The following DNMT3B variants were observed in gnomAD, a reference collection of about 807,000 sequenced individuals.
The protein encoded by DNMT3B is DNA (cytosine-5)-methyltransferase 3B.
DNMT3B carries 37 observed loss-of-function variants against 120.2 expected under a neutral mutation model. The observed-to-expected ratio is 0.31, with a 90% CI of 0.24 to 0.40. The LOEUF (loss-of-function observed/expected upper bound fraction) is 0.40, where lower values mean the gene tolerates loss of function less well. Ranked by LOEUF, DNMT3B falls within the 10% of genes least tolerant of loss-of-function variation. The probability of loss-of-function intolerance (pLI) is 1.00; values close to 1 mark genes in which losing one functional copy is unlikely to be tolerated. For synonymous variants in DNMT3B, 412 were observed against 442.8 expected (o/e 0.93, Z 0.87); for missense variants, 878 against 1,137.3 (o/e 0.77, Z 3.28).
chr20:32,795,420 C>G lies in DNMT3B; in HGVS notation c.1138C>G (p.Arg380Gly), dbSNP rs376213530. 1.9e-6 allele frequency: 3 copies of G among 1,613,926 alleles called. No individual in the cohort carries two copies. In the Admixed American group the frequency reaches 5.0e-5, roughly 27 times the overall value. ...LESRKYENKT[R>G]RRTADDSATS... ...ATTACCTTTCACAGAGAACAAGACT[C>G]GAAGACGCACAGCTGACGACTCAGC... is the stretch of plus-strand genomic sequence containing the variant. The change falls in exon 11 of 23, where the codon CGA becomes GGA. Residue 380 changes from arginine (R) to glycine (G), a missense_variant. Arg to Gly is a moderately radical substitution (Grantham distance 125). This residue lies in a region of DNMT3B where 207 missense variants were observed against 222.6 expected (regional missense o/e 0.93). Coordinates refer to ENST00000328111, the MANE Select transcript of DNMT3B (RefSeq NM_006892.4).
rs1281127350 is a variant in DNMT3B at position 32,800,014 on chromosome 20, C to T, written c.1760-139C>T. The stretch of plus-strand genomic sequence containing the variant: ...GTTTACACAGCCAATATGTGTGGTG[C>T]GTGTACAGCCTTTGCTGGATTGAAC... On this transcript the variant is annotated intron_variant, in intron 16 of 22. Coordinates refer to ENST00000328111, the MANE Select transcript of DNMT3B (RefSeq NM_006892.4). 1.8e-5 allele frequency: 22 copies of T among 1,253,382 alleles called. No individual in the cohort carries two copies. In the East Asian group the frequency reaches 2.8e-4, roughly 16 times the overall value. The allele number at this position is 1,253,382 out of a possible 1,614,324, so 77.6% of individuals were successfully genotyped here.
rs764071196 is a variant in DNMT3B, at chr20:32,762,575, G to C, written c.-131G>C. 8.6e-6 allele frequency: 3 copies of C among 349,750 alleles called. No homozygotes were observed. Among genetic ancestry groups the C allele is most frequent in the South Asian group, 6.4e-5 (3 of 47,202 alleles). The allele number at this position is 349,750 out of a possible 1,614,324, so 21.7% of individuals were successfully genotyped here. A position where few individuals can be genotyped will look rare whatever the true frequency, so the allele number is the denominator to read the frequency against. ...GGGTTAAGTGGCCCAAGTAAACCTA[G>C]CTCGGCGATCGGCGCCGGAGATTCG... On this transcript the variant is annotated 5_prime_UTR_variant, in exon 1 of 23. Coordinates refer to ENST00000328111, the MANE Select transcript of DNMT3B (RefSeq NM_006892.4).
chr20:32,766,005 C>T (rs1188234033), intron 1 of DNMT3B, among the ~76,000 whole-genome samples: 2 of 152,052 alleles, frequency 1.3e-5, no homozygotes, highest in African/African-American at 4.8e-5. Context: ...GATCCACCCG[C>T]CTTGGCCTCC....
chr20:32,786,655 G>A, intron 5 of DNMT3B, 28 bp downstream of exon 5: 1 of 1,613,286 alleles, frequency 6.2e-7, no homozygotes, highest in Non-Finnish European at 8.5e-7. Context: ...CCAGACCCCT[G>A]CCCGCAGTCT....
intron 6 of DNMT3B, 99 bp from the exon 7 acceptor site, chr20:32,788,755 G>T: frequency 1.3e-6 from 2 of 1,495,500 alleles, no homozygotes; most frequent in South Asian, 2.3e-5. Context: ...TGCATTTTAT[G>T]GCAAGCTTTT....
chr20:32,805,959 C>T (rs952720372), intron 21 of DNMT3B, among the ~76,000 whole-genome samples: 9 of 152,094 alleles, frequency 5.9e-5, no homozygotes, highest in Admixed American at 2.0e-4. Context: ...TTCCTGTTAA[C>T]GTCTTGGCAT....
At chr20:32,786,215 C>T (rs535180382) in intron 4 of DNMT3B, among the ~76,000 whole-genome samples, 1 of 152,368 alleles carries the variant, frequency 6.6e-6, no homozygotes, top group South Asian at 2.1e-4. Context: ...TCCCAATTGG[C>T]AGGTGCCATT....
intron 1 of DNMT3B, among the ~76,000 whole-genome samples, chr20:32,769,714 C>T (rs1267004840): frequency 3.3e-5 from 5 of 152,018 alleles, no homozygotes; most frequent in African/African-American, 1.2e-4. Context: ...CCCTGCAGTA[C>T]TGCTTTTTCC....
Position 32,808,611 on chromosome 20 carries a change from A to G in DNMT3B, c.*708A>G, listed in dbSNP as rs953563076. Reference sequence around the variant, plus strand: ...CCCCACAAACCCAAGGGCAGGGGCCACTCTTAGCTAAATCCCTCCCCGTGA... The same window carrying G: ...CCCCACAAACCCAAGGGCAGGGGCCGCTCTTAGCTAAATCCCTCCCCGTGA... On this transcript the variant is annotated 3_prime_UTR_variant, in exon 23 of 23. Coordinates refer to ENST00000328111, the MANE Select transcript of DNMT3B (RefSeq NM_006892.4). The G allele has an allele frequency of 3.5e-5, 8 of 230,984 alleles. No individual in the cohort carries two copies. Among genetic ancestry groups the G allele is most frequent in the Admixed American group, 1.7e-4 (3 of 17,688 alleles). 14.3% of individuals were successfully genotyped at this position (230,984 alleles called of 1,614,324 possible). A position where few individuals can be genotyped will look rare whatever the true frequency, so the allele number is the denominator to read the frequency against.
chr20:32,788,180 T>C, intron 6 of DNMT3B, among the ~76,000 whole-genome samples: 1 of 152,194 alleles, frequency 6.6e-6, no homozygotes, highest in Admixed American at 6.5e-5. Flanking sequence ...GGGGATGCGA[T>C]GGCTTGGCTT....
In DNMT3B at chr20:32,802,369, T is replaced by G. The variant is rs773963555; in HGVS notation, c.2146-16T>G. 6.2e-7 allele frequency: 1 copy of G among 1,613,968 alleles called. No homozygotes were observed. Among genetic ancestry groups the G allele is most frequent in the South Asian group, 1.1e-5 (1 of 91,084 alleles). ...TAATAATAGGCTCCTAACAGTAACC[T>G]TCTTTCTCCCCACAGTGTAATCCAG... On this transcript the variant is annotated splice_polypyrimidine_tract_variant and intron_variant, in intron 19 of 22. Transcript: ENST00000328111.
Position 32,801,378 on chromosome 20 carries a change from T to C in DNMT3B, c.2097T>C (p.Val699=), listed in dbSNP as rs369838649. 13 of 1,614,052 alleles carry C rather than the reference T, an allele frequency of 8.1e-6. No homozygotes were observed. The African/African-American group carries it at 1.6e-4, about 20-fold the overall frequency. ...DRPFFWMFEN[V]VAMKVGDKRD... ...CGTTCTTCTGGATGTTTGAGAATGT[T>C]GTAGCCATGAAGGTTGGCGACAAGA... The change falls in exon 19 of 23, where the codon GTT becomes GTC. Residue 699 remains valine, a synonymous_variant. Coordinates refer to ENST00000328111, the MANE Select transcript of DNMT3B (RefSeq NM_006892.4).
chr20:32,764,583 C>A (rs1202696332), intron 1 of DNMT3B, among the ~76,000 whole-genome samples: 2 of 152,116 alleles, frequency 1.3e-5, no homozygotes, highest in African/African-American at 4.8e-5. Flanking sequence ...CGCCTTTGTT[C>A]CCTTTCGAAC....
intron 4 of DNMT3B, among the ~76,000 whole-genome samples, chr20:32,786,101 C>G (rs1452173613): frequency 6.6e-6 from 1 of 152,162 alleles, no homozygotes; most frequent in Non-Finnish European, 1.5e-5. Flanking sequence ...CCAGGATGAT[C>G]CTGAATTTCT....
Position 32,800,230 on chromosome 20 carries a change from G to T in DNMT3B, c.1837G>T (p.Val613Phe), listed in dbSNP as rs768347895. The change falls in exon 17 of 23, where the codon GTT (valine) becomes TTT (phenylalanine). Residue 613 changes from valine (V) to phenylalanine (F), a missense_variant. Physicochemically the swap from Val to Phe is conservative, Grantham distance 50. Around this residue, in one of 4 missense-constraint regions of DNMT3B, gnomAD observed 334 missense variants for 518.8 expected, o/e 0.64. Transcript: ENST00000328111. ...TGAAGTGTGTGAGGAGTCCATTGCT[G>T]TTGGAACCGTGAAGCACGAGGGGAA... ...ASEVCEESIAVGTVKHEGNIK... is the reference protein window; with the variant it reads ...ASEVCEESIAFGTVKHEGNIK... 6.2e-7 allele frequency: 1 copy of T among 1,614,216 alleles called. No homozygotes were observed. Among genetic ancestry groups the T allele is most frequent in the South Asian group, 1.1e-5 (1 of 91,088 alleles).
chr20:32,764,231 C>G (rs1022395845), intron 1 of DNMT3B, among the ~76,000 whole-genome samples: 11 of 152,128 alleles, frequency 7.2e-5, no homozygotes, highest in Non-Finnish European at 1.0e-4. Context: ...TGTGAATTAG[C>G]AATAGTCCTA....
At chr20:32,790,083 C>G (rs1979790860) in intron 7 of DNMT3B, among the ~76,000 whole-genome samples, 1 of 152,202 alleles carries the variant, frequency 6.6e-6, no homozygotes, top group South Asian at 2.1e-4. Context: ...AGCAGAGATT[C>G]TGTTTTTCCC....
At chr20:32,778,661 G>A (rs1031932486) in intron 1 of DNMT3B, among the ~76,000 whole-genome samples, 1 of 152,218 alleles carries the variant, frequency 6.6e-6, no homozygotes, top group African/African-American at 2.4e-5. Context: ...TGCCAGTGGC[G>A]CCAGTGCAGC....
chr20:32,765,422 CTTTCT>C (rs1987261679), intron 1 of DNMT3B, among the ~76,000 whole-genome samples: 1 of 121,316 alleles, frequency 8.2e-6, no homozygotes. Context: ...CTCTTTTTTT[CTTTCT>C]TTTTTTTTTT....
Sources: allele counts gnomAD v4.1 joint callset (sites outside exome capture counted in the v4.1 genomes callset), GRCh38; gene constraint gnomAD v4.1.1; regional missense constraint gnomAD v4.1.1; transcripts MANE v1.5; gene names NCBI Gene and HGNC (gene_info 2026-07-23, HGNC 2026-07-21).